Variants in PDK1 observed in about 807,000 individuals in gnomAD.
The protein encoded by PDK1 is [Pyruvate dehydrogenase (acetyl-transferring)] kinase isozyme 1, mitochondrial.
PDK1 carries 39 observed loss-of-function variants against 54.2 expected under a neutral mutation model. The observed-to-expected ratio is 0.72, with a 90% CI of 0.56 to 0.94. The LOEUF is 0.94. Ranked by LOEUF, PDK1 falls within the 40% of genes least tolerant of loss-of-function variation. PDK1 has a pLI of 0.00. For missense variants in PDK1, 552 were observed against 566.0 expected (o/e 0.98, Z 0.25); for synonymous variants, 221 against 207.1 (o/e 1.07, Z -0.58).
At chr2:172,567,505 A>G (rs946876392) in intron 6 of PDK1, among the ~76,000 whole-genome samples, 2 of 152,230 alleles carry the variant, frequency 1.3e-5, no homozygotes, top group Admixed American at 6.5e-5. Context: ...GCATTTCCTA[A>G]GATGACACTT....
chr2:172,686,624 G>T, the PDK1 span, among the ~76,000 whole-genome samples: 13 of 152,162 alleles, frequency 8.5e-5, no homozygotes, highest in South Asian at 1.2e-3. Flanking sequence ...CACTTTTTAC[G>T]CTGTGGAAGC....
the PDK1 span, among the ~76,000 whole-genome samples, chr2:172,719,013 G>T: frequency 6.6e-6 from 1 of 152,064 alleles, no homozygotes; most frequent in African/African-American, 2.4e-5. Context: ...AGCAAGCTCT[G>T]ATCTATTTAC....
At chr2:172,657,509 T>A in the PDK1 span, among the ~76,000 whole-genome samples, 1 of 151,454 alleles carries the variant, frequency 6.6e-6, no homozygotes, top group Non-Finnish European at 1.5e-5. Context: ...TTAATATTAA[T>A]TTACAGATAA....
chr2:172,685,267 A>G, the PDK1 span, among the ~76,000 whole-genome samples: 5 of 152,150 alleles, frequency 3.3e-5, no homozygotes, highest in East Asian at 9.6e-4. Flanking sequence ...CCTCTTCAAA[A>G]CAGTCCCTGA....
the PDK1 span, among the ~76,000 whole-genome samples, chr2:172,644,238 A>G: frequency 2.6e-5 from 4 of 152,258 alleles, no homozygotes; most frequent in Non-Finnish European, 4.4e-5. Context: ...TTCAAGGAAT[A>G]TAACAAGGAG....
rs1327138499 is a variant in PDK1 at position 172,598,124 on chromosome 2, A to T, written c.*2155A>T. Reference sequence around the variant, plus strand: ...AATTTATATTAGTTCGATGTATTACAATTTTTTAGCTTTAAATTACAGTTT... The same window carrying T: ...AATTTATATTAGTTCGATGTATTACTATTTTTTAGCTTTAAATTACAGTTT... On this transcript the variant is annotated 3_prime_UTR_variant, in exon 11 of 11. Transcript: ENST00000282077. 1 of 152,212 alleles carries T rather than the reference A, an allele frequency of 6.6e-6. No individual in the cohort carries two copies. The highest frequency in any genetic ancestry group is 1.5e-5 in the Non-Finnish European group (1 of 68,030). 9.4% of individuals were successfully genotyped at this position (152,212 alleles called of 1,614,324 possible).
chr2:172,663,026 G>T, the PDK1 span, among the ~76,000 whole-genome samples: 2 of 152,194 alleles, frequency 1.3e-5, no homozygotes, highest in South Asian at 2.1e-4. Flanking sequence ...GGAAGGGTTG[G>T]TGTATTAGTT....
the PDK1 span, among the ~76,000 whole-genome samples, chr2:172,670,556 A>G: frequency 6.6e-6 from 1 of 152,240 alleles, no homozygotes; most frequent in Admixed American, 6.5e-5. Context: ...GATTTTAGAC[A>G]AAGTACAAAT....
At chr2:172,584,911 C>T (rs1574512742) in intron 8 of PDK1, among the ~76,000 whole-genome samples, 1 of 149,108 alleles carries the variant, frequency 6.7e-6, no homozygotes, top group East Asian at 2.0e-4. Flanking sequence ...CCCAAGTGAT[C>T]CCCCTGTTAT....
chr2:172,658,339 A>G, the PDK1 span, among the ~76,000 whole-genome samples: 7 of 152,182 alleles, frequency 4.6e-5, no homozygotes, highest in African/African-American at 1.7e-4. Context: ...TAAATTTCTT[A>G]CGCCTGTCTT....
In PDK1 at chr2:172,608,036, A is replaced by T. The variant is rs972429422; in HGVS notation, c.*12067A>T. The T allele has an allele frequency of 2.1e-4, 32 of 152,346 alleles. No homozygotes were observed. The highest frequency in any genetic ancestry group is 7.7e-4 in the African/African-American group (32 of 41,594). The allele number at this position is 152,346 out of a possible 1,614,324, so 9.4% of individuals were successfully genotyped here. ...CTGAATAATAAAGTTTATTAATAAC[A>T]GTTTTAGTTAATACTTGACTGACAT... On this transcript the variant is annotated 3_prime_UTR_variant, in exon 11 of 11. Transcript: ENST00000282077.
chr2:172,586,479 G>T, intron 9 of PDK1, 91 bp downstream of exon 9: 1 of 710,078 alleles, frequency 1.4e-6, no homozygotes, highest in Non-Finnish European at 2.5e-6. Context: ...CGTCATGTAG[G>T]GTACTCCACA....
chr2:172,690,189 A>G, the PDK1 span, among the ~76,000 whole-genome samples: 2 of 150,524 alleles, frequency 1.3e-5, 1 homozygote, highest in Non-Finnish European at 3.0e-5. Context: ...AAGTGGGCAA[A>G]GGATATGAAA....
At chr2:172,562,576 G>A (rs1688715527) in intron 3 of PDK1, among the ~76,000 whole-genome samples, 2 of 152,196 alleles carry the variant, frequency 1.3e-5, no homozygotes, top group Admixed American at 6.5e-5. Context: ...TCCTTCTAAT[G>A]GACAACCACC....
At chr2:172,651,675 G>T in the PDK1 span, among the ~76,000 whole-genome samples, 1 of 152,174 alleles carries the variant, frequency 6.6e-6, no homozygotes, top group Non-Finnish European at 1.5e-5. Context: ...TACCATCAGA[G>T]AATACTATAA....
chr2:172,650,353 C>G, the PDK1 span, among the ~76,000 whole-genome samples: 1 of 152,176 alleles, frequency 6.6e-6, no homozygotes, highest in African/African-American at 2.4e-5. Context: ...TGGAAAGGAG[C>G]AACCGGTACC....
the PDK1 span, among the ~76,000 whole-genome samples, chr2:172,700,363 GGGT>G: frequency 7.4e-5 from 11 of 148,526 alleles, no homozygotes; most frequent in Middle Eastern, 3.5e-3. Context: ...CTCCTGGACG[GGGT>G]GGCGGCGGGG....
the PDK1 span, among the ~76,000 whole-genome samples, chr2:172,657,072 G>A: frequency 1.1e-4 from 17 of 152,170 alleles, no homozygotes; most frequent in Non-Finnish European, 2.2e-4. Context: ...TCTGTTCTTG[G>A]TAAGTTGTGA....
intron 8 of PDK1, among the ~76,000 whole-genome samples, chr2:172,576,352 T>G (rs991886125): frequency 1.3e-5 from 2 of 149,832 alleles, no homozygotes; most frequent in African/African-American, 2.5e-5. Flanking sequence ...TGTCCCCACT[T>G]TCATTCCTGG....
Sources: gnomAD v4.1 joint callset for allele counts (sites outside exome capture counted in the v4.1 genomes callset) on GRCh38, gnomAD v4.1.1 for gene constraint, MANE v1.5 for transcripts, NCBI Gene and HGNC (gene_info 2026-07-23, HGNC 2026-07-21) for gene names.